C5orf46: variants seen among roughly 807,000 people sequenced by gnomAD.
C5orf46 encodes the protein chromosome 5 open reading frame 46.
In C5orf46, 9 loss-of-function variants were observed where a neutral mutation model predicts 8.9. That is an observed-to-expected ratio of 1.01 (90% confidence interval 0.61 to 1.76). C5orf46 has a LOEUF of 1.76. Ranked by LOEUF, C5orf46 falls within the 40% of genes most tolerant of loss-of-function variation. The pLI is 0.00. For missense variants in C5orf46, 98 were observed against 107.8 expected (o/e 0.91, Z 0.40); for synonymous variants, 47 against 41.4 (o/e 1.14, Z -0.52).
intron 2 of C5orf46, among the ~76,000 whole-genome samples, chr5:147,899,527 A>T (rs1298790353): frequency 6.6e-6 from 1 of 152,212 alleles, no homozygotes; most frequent in Non-Finnish European, 1.5e-5. Flanking sequence ...TCTGCAAGAT[A>T]TCTTTCCTTA....
intron 3 of C5orf46, among the ~76,000 whole-genome samples, chr5:147,893,410 G>C (rs991578200): frequency 1.3e-5 from 2 of 149,880 alleles, no homozygotes; most frequent in Non-Finnish European, 3.0e-5. Flanking sequence ...TCAGCCTCCC[G>C]AGTAGCTGGG....
At chr5:147,893,908 T>TA (rs1442633486) in intron 3 of C5orf46, among the ~76,000 whole-genome samples, 2 of 110,110 alleles carry the variant, frequency 1.8e-5, no homozygotes, top group African/African-American at 1.4e-4. Flanking sequence ...GGAAGGCATA[T>TA]TTTTTTTTTT....
chr5:147,901,044 T>C (rs1223127569), intron 2 of C5orf46, among the ~76,000 whole-genome samples: 1 of 152,196 alleles, frequency 6.6e-6, no homozygotes, highest in African/African-American at 2.4e-5. Flanking sequence ...ACACTCATGT[T>C]GAGAGGTTCT....
intron 3 of C5orf46, among the ~76,000 whole-genome samples, chr5:147,893,592 G>C (rs1363986203): frequency 6.6e-6 from 1 of 151,826 alleles, no homozygotes; most frequent in Non-Finnish European, 1.5e-5. Context: ...GCCCTGGCTG[G>C]AGTGCAGTGG....
At chr5:147,906,377 C>T (rs989779108) in intron 1 of C5orf46, 55 bp downstream of exon 1, 3 of 1,224,336 alleles carry the variant, frequency 2.5e-6, no homozygotes, top group African/African-American at 3.0e-5. Context: ...CATCAGCTTT[C>T]TCTAGTCACT....
chr5:147,892,125 G>A (rs1014323509), downstream of C5orf46, among the ~76,000 whole-genome samples: 5 of 152,282 alleles, frequency 3.3e-5, no homozygotes, highest in East Asian at 9.7e-4. Context: ...TTTCAGTCTT[G>A]TCTTACTGTC....
chr5:147,895,396 C>T (rs771132391), intron 3 of C5orf46, among the ~76,000 whole-genome samples: 1 of 152,176 alleles, frequency 6.6e-6, no homozygotes, highest in Non-Finnish European at 1.5e-5. Context: ...TAGGTTGGTT[C>T]ATGCATCAAT....
At chr5:147,889,849 A>G (rs1007181690), downstream of C5orf46, among the ~76,000 whole-genome samples, 6 of 152,206 alleles carry the variant, frequency 3.9e-5, no homozygotes, top group African/African-American at 1.4e-4. Context: ...TCAATGAGGT[A>G]GCATTTATGC....
At chr5:147,893,037 T>A (rs1202151737) in intron 3 of C5orf46, 98 bp from the exon 4 acceptor site, 1 of 152,234 alleles carries the variant, frequency 6.6e-6, no homozygotes, top group East Asian at 1.9e-4. Context: ...CCCTTAAAAT[T>A]TTTATGCTTC....
At chr5:147,897,901 T>C (rs1757608236) in intron 2 of C5orf46, among the ~76,000 whole-genome samples, 1 of 152,136 alleles carries the variant, frequency 6.6e-6, no homozygotes, top group Non-Finnish European at 1.5e-5. Flanking sequence ...TGACCTGCTT[T>C]AAAATGAAAC....
intron 2 of C5orf46, 28 bp downstream of exon 2, chr5:147,901,601 A>T (rs754821107): frequency 6.2e-7 from 1 of 1,606,808 alleles, no homozygotes; most frequent in Admixed American, 1.7e-5. Context: ...AGAATTGGAC[A>T]AAAAGCAACG....
chr5:147,893,848 C>T (rs1303341873), intron 3 of C5orf46, among the ~76,000 whole-genome samples: 1 of 152,066 alleles, frequency 6.6e-6, no homozygotes, highest in African/African-American at 2.4e-5. Flanking sequence ...AGGCACTATG[C>T]CCAGCCATCA....
intron 2 of C5orf46, among the ~76,000 whole-genome samples, chr5:147,898,516 A>G (rs976849684): frequency 6.6e-6 from 1 of 152,138 alleles, no homozygotes; most frequent in African/African-American, 2.4e-5. Flanking sequence ...TGTAGCAAGC[A>G]ATCAGTTATT....
downstream of C5orf46, among the ~76,000 whole-genome samples, chr5:147,889,471 G>A (rs116378205): frequency 0.069 from 10,487 of 152,028 alleles, 648 homozygotes; most frequent in Admixed American, 0.21. Flanking sequence ...GGTAACATAT[G>A]CCACTTTAAT....
downstream of C5orf46, among the ~76,000 whole-genome samples, chr5:147,889,140 G>GA (rs1304068232): frequency 1.1e-4 from 16 of 152,088 alleles, no homozygotes; most frequent in African/African-American, 3.9e-4. Flanking sequence ...TTGAAAAGCT[G>GA]AAAAAATAGA....
intron 1 of C5orf46, among the ~76,000 whole-genome samples, chr5:147,905,407 G>A (rs1470120170): frequency 6.6e-6 from 1 of 152,216 alleles, no homozygotes; most frequent in Non-Finnish European, 1.5e-5. Context: ...CCTGGTCTTG[G>A]TATCAAATCT....
intron 3 of C5orf46, among the ~76,000 whole-genome samples, chr5:147,893,828 T>C (rs1271524288): frequency 6.6e-6 from 1 of 152,000 alleles, no homozygotes; most frequent in Non-Finnish European, 1.5e-5. Flanking sequence ...TAGGCACCTG[T>C]AATGGCATGA....
chr5:147,892,549 C>A (rs59404183), downstream of C5orf46, among the ~76,000 whole-genome samples: 2,822 of 152,144 alleles, frequency 0.019, 82 homozygotes, highest in African/African-American at 0.064. Flanking sequence ...TCTGTGAATT[C>A]GAACTTGCTA....
downstream of C5orf46, among the ~76,000 whole-genome samples, chr5:147,889,384 C>A (rs567864332): frequency 2.0e-5 from 3 of 152,084 alleles, no homozygotes; most frequent in Non-Finnish European, 4.4e-5. Context: ...TGGGAATAAT[C>A]GGATTAGTGT....
Sources: allele counts gnomAD v4.1 joint callset (sites outside exome capture counted in the v4.1 genomes callset), GRCh38; gene constraint gnomAD v4.1.1; transcripts MANE v1.5; gene names NCBI Gene and HGNC (gene_info 2026-07-23, HGNC 2026-07-21).